Variants in A2M observed in about 807,000 individuals in gnomAD.
A2M encodes the protein C3 and PZP-like alpha-2-macroglobulin domain-containing protein 5.
In A2M, 128 loss-of-function variants were observed where a neutral mutation model predicts 183.9. The observed-to-expected ratio is 0.70, with a 90% CI of 0.60 to 0.81. The LOEUF (loss-of-function observed/expected upper bound fraction) is 0.81. A2M is among the 30% of genes least tolerant of loss of function. The pLI, the probability that A2M is intolerant of heterozygous loss-of-function variation, is 0.00. For missense variants in A2M, 1,495 were observed against 1,787.6 expected (o/e 0.84, Z 2.95); for synonymous variants, 592 against 670.8 (o/e 0.88, Z 1.81).
chr12:9,112,753 TGTAA>T (rs1394151062), intron 2 of A2M: 3 of 546,852 alleles, frequency 5.5e-6, no homozygotes, highest in African/African-American at 1.9e-5. Flanking sequence ...TAAGAGAGGT[TGTAA>T]GTGAGATTCA....
At chr12:9,105,097 G>A (rs993843966) in intron 10 of A2M, among the ~76,000 whole-genome samples, 4 of 152,132 alleles carry the variant, frequency 2.6e-5, no homozygotes, top group Non-Finnish European at 4.4e-5. Context: ...TGCTAATATT[G>A]TATTGGCAGT....
In A2M at chr12:9,074,651, G is replaced by T. The variant is rs1405891431; in HGVS notation, c.3665C>A (p.Ala1222Asp). 10 of 1,614,012 alleles carry T rather than the reference G, an allele frequency of 6.2e-6. No homozygotes were observed. The highest frequency in any genetic ancestry group is 8.5e-6 in the Non-Finnish European group (10 of 1,179,964). ...AGAGGTCAGGTCCTCCGAGGTTGGG[G>T]CTGGCTGGGCCGTGAGATAAGCGAG... ...VLLAYLTAQP[A>D]PTSEDLTSAT... The change falls in exon 29 of 36, where the codon GCC becomes GAC. Residue 1222 changes from alanine (A) to aspartate (D), a missense_variant. Transcript: ENST00000318602.
At chr12:9,112,645 T>C (rs188171177) in intron 2 of A2M, 109 bp from the exon 3 acceptor site, 2 of 1,191,556 alleles carry the variant, frequency 1.7e-6, no homozygotes, top group African/African-American at 3.0e-5. Flanking sequence ...TTAACTTCAC[T>C]CCCTTGTTCT....
chr12:9,107,509 T>C lies in A2M; in HGVS notation c.879+15A>G, dbSNP rs768782624. 8 of 1,613,326 alleles carry C rather than the reference T, an allele frequency of 5.0e-6. No individual in the cohort carries two copies. Among genetic ancestry groups the C allele is most frequent in the East Asian group, 2.2e-5 (1 of 44,862 alleles). On this transcript the variant is annotated intron_variant, in intron 8 of 35. Coordinates refer to ENST00000318602, the MANE Select transcript of A2M (RefSeq NM_000014.6). ...CTTTATCGCTATTCTCTAGAAAAAA[T>C]AGTGTTCAACCTACCTGTCCACTGA...
intron 2 of A2M, 194 bp from the exon 3 acceptor site, chr12:9,112,730 G>C: frequency 1.7e-6 from 1 of 583,890 alleles, no homozygotes; most frequent in South Asian, 2.0e-5. Context: ...CAAGGTGGAG[G>C]AAAATAAATC....
intron 32 of A2M, 59 bp downstream of exon 32, chr12:9,070,429 G>T: frequency 8.8e-7 from 1 of 1,133,326 alleles, no homozygotes; most frequent in Non-Finnish European, 1.3e-6. Flanking sequence ...ATTGTCTTAT[G>T]CTGGGGATAC....
chr12:9,112,721 A>G, intron 2 of A2M, 185 bp from the exon 3 acceptor site: 1 of 602,100 alleles, frequency 1.7e-6, no homozygotes, highest in Non-Finnish European at 2.9e-6. Flanking sequence ...GACAGGACAC[A>G]AGGTGGAGGA....
At chr12:9,075,109 C>T (rs1027884769) in intron 28 of A2M, among the ~76,000 whole-genome samples, 1 of 152,074 alleles carries the variant, frequency 6.6e-6, no homozygotes, top group African/African-American at 2.4e-5. Flanking sequence ...TAGACTATAG[C>T]TGGAGTTTGT....
chr12:9,092,356 A>C (rs928615077), intron 18 of A2M, among the ~76,000 whole-genome samples: 2 of 152,188 alleles, frequency 1.3e-5, no homozygotes, highest in Non-Finnish European at 2.9e-5. Flanking sequence ...CCTAGACCAC[A>C]GTGAACACAG....
intron 26 of A2M, 21 bp from the exon 27 acceptor site, chr12:9,077,441 T>A (rs985862840): frequency 3.1e-6 from 5 of 1,600,418 alleles, no homozygotes; most frequent in Non-Finnish European, 4.3e-6. Flanking sequence ...GAGAGAGAGA[T>A]CTGAATAATT....
chr12:9,098,437 T>C (rs1949450982), intron 15 of A2M, 170 bp downstream of exon 15: 3 of 418,472 alleles, frequency 7.2e-6, no homozygotes, highest in African/African-American at 4.2e-5. Flanking sequence ...TAGTTATATA[T>C]ATATATATAT....
At position 9,107,614 on chromosome 12, in the gene A2M, A is replaced by G. The variant is rs1429692102; in HGVS notation, c.789T>C (p.His263=). 2.5e-6 allele frequency: 4 copies of G among 1,614,010 alleles called. No homozygotes were observed. Among genetic ancestry groups the G allele is most frequent in the African/African-American group, 1.3e-5 (1 of 75,052 alleles). The change falls in exon 8 of 36, where the codon CAT becomes CAC. Residue 263 remains histidine, a synonymous_variant. Coordinates refer to ENST00000318602, the MANE Select transcript of A2M (RefSeq NM_000014.6). ...LYTYGKPVPG[H]VTVSICRKYS... The stretch of plus-strand genomic sequence containing the variant: ...ACTTTCTGCAAATGCTCACAGTCAC[A>G]TGTCCAGGGACAGGCTTCCCATATG...
intron 32 of A2M, among the ~76,000 whole-genome samples, chr12:9,070,024 A>G (rs1592324983): frequency 6.6e-6 from 1 of 152,386 alleles, no homozygotes; most frequent in Admixed American, 6.5e-5. Flanking sequence ...AAAGTTATTT[A>G]TCTGAAGAAA....
chr12:9,070,422 G>A, intron 32 of A2M, 66 bp downstream of exon 32: 2 of 1,063,942 alleles, frequency 1.9e-6, no homozygotes, highest in South Asian at 2.7e-5. Context: ...TATTAGTATT[G>A]TCTTATGCTG....
Position 9,074,756 on chromosome 12 carries a change from T to G in A2M, c.3560A>C (p.Gln1187Pro), listed in dbSNP as rs1406381230. ...KDNSVHWERP[Q>P]KPKAPVGHFY... ...ATGCCCCACTGGTGCCTTGGGTTTCTGAGGGCGCTCCCAATGGACAGAGTT... is the reference window on the plus strand; with the variant it reads ...ATGCCCCACTGGTGCCTTGGGTTTCGGAGGGCGCTCCCAATGGACAGAGTT... Residue 1187 changes from glutamine (Q) to proline (P), a missense_variant, in exon 29 of 36, where the codon CAG becomes CCG. Transcript: ENST00000318602. 1 of 1,613,418 alleles carries G rather than the reference T, an allele frequency of 6.2e-7. No homozygotes were observed. The highest frequency in any genetic ancestry group is 8.5e-7 in the Non-Finnish European group (1 of 1,179,722).
Position 9,104,296 on chromosome 12 carries a change from G to T in A2M, c.1209C>A (p.Gly403=), listed in dbSNP as rs1415503596. The change falls in exon 11 of 36, where the codon GGC becomes GGA. Residue 403 remains glycine, a synonymous_variant. Coordinates refer to ENST00000318602, the MANE Select transcript of A2M (RefSeq NM_000014.6). ...TGGTGTTGATAGAGAACTGTACAAG[G>T]CCATGCTCATCCGTGGTAGCATTGG... The part of the protein sequence containing the change: ...YYSNATTDEH[G]LVQFSINTTN... 6.2e-7 allele frequency: 1 copy of T among 1,613,236 alleles called. No individual in the cohort carries two copies. The highest frequency in any genetic ancestry group is 8.5e-7 in the Non-Finnish European group (1 of 1,179,542).
chr12:9,080,072 C>T (rs1592342853), intron 23 of A2M, 22 bp downstream of exon 23: 3 of 1,500,808 alleles, frequency 2.0e-6, no homozygotes, highest in East Asian at 4.8e-5. Flanking sequence ...ATGCCCGGAT[C>T]CACTAGGGGC....
chr12:9,108,456 T>C (rs1363573738), intron 7 of A2M, among the ~76,000 whole-genome samples: 1 of 152,174 alleles, frequency 6.6e-6, no homozygotes, highest in Non-Finnish European at 1.5e-5. Context: ...TGGGATTGTG[T>C]CGTAAATATG....
At chr12:9,086,998 ATGAT>A (rs1247071560) in intron 22 of A2M, among the ~76,000 whole-genome samples, 17 of 152,348 alleles carry the variant, frequency 1.1e-4, no homozygotes, top group African/African-American at 3.4e-4. Context: ...CTAACAATGA[ATGAT>A]TGAGAAAGAA....
Sources: gnomAD v4.1 joint callset for allele counts (sites outside exome capture counted in the v4.1 genomes callset) on GRCh38, gnomAD v4.1.1 for gene constraint, MANE v1.5 for transcripts, NCBI Gene and HGNC (gene_info 2026-07-23, HGNC 2026-07-21) for gene names.